SQOR: variants seen among roughly 807,000 people sequenced by gnomAD.
The protein encoded by SQOR is sulfide:quinone oxidoreductase, mitochondrial.
SQOR carries 39 observed loss-of-function variants against 48.6 expected under a neutral mutation model. The ratio of observed to expected loss-of-function variants is 0.80; its 90% CI spans 0.62 to 1.05. The LOEUF (loss-of-function observed/expected upper bound fraction) is 1.05. SQOR is among the 50% of genes least tolerant of loss of function. SQOR has a pLI of 0.00. For missense variants in SQOR, 561 were observed against 559.9 expected (o/e 1.00, Z -0.02); for synonymous variants, 220 against 206.2 (o/e 1.07, Z -0.57).
chr15:45,651,846 T>G (rs1889497242), intron 1 of SQOR, among the ~76,000 whole-genome samples: 1 of 151,948 alleles, frequency 6.6e-6, no homozygotes, highest in Non-Finnish European at 1.5e-5. Flanking sequence ...TGGTAGTTAA[T>G]TCTTCTTCTT....
chr15:45,645,424 G>T (rs1284794906), intron 1 of SQOR, among the ~76,000 whole-genome samples: 23 of 152,206 alleles, frequency 1.5e-4, no homozygotes, highest in Non-Finnish European at 1.5e-5. Context: ...TATTCTGGGT[G>T]TGCCTGTGAG....
upstream of SQOR, among the ~76,000 whole-genome samples, chr15:45,634,209 T>TATATATAGTTGA (rs1376658845): frequency 8.4e-6 from 1 of 118,990 alleles, no homozygotes; most frequent in Admixed American, 8.1e-5. Context: ...TATATATATA[T>TATATATAGTTGA]ATATATATAT....
intron 7 of SQOR, among the ~76,000 whole-genome samples, chr15:45,685,543 G>A (rs1300526160): frequency 6.6e-6 from 1 of 152,118 alleles, no homozygotes; most frequent in Non-Finnish European, 1.5e-5. Context: ...TGATAGAAGG[G>A]GATTGTAATA....
At chr15:45,647,484 G>A (rs112628173) in intron 1 of SQOR, among the ~76,000 whole-genome samples, 11 of 151,622 alleles carry the variant, frequency 7.3e-5, no homozygotes, top group African/African-American at 2.4e-4. Flanking sequence ...ACACCACCAC[G>A]CTTGGCTAAA....
intron 6 of SQOR, among the ~76,000 whole-genome samples, chr15:45,682,056 A>G (rs1890134294): frequency 6.6e-6 from 1 of 152,252 alleles, no homozygotes; most frequent in Admixed American, 6.5e-5. Flanking sequence ...GATGCTGAGC[A>G]TCACCTTACA....
chr15:45,652,673 G>A lies in SQOR; in HGVS notation c.-17-6234G>A, dbSNP rs555478509. 2.0e-3 allele frequency among the ~76,000 whole-genome samples: 195 copies of A among 96,706 alleles called. 1 individual carries two copies. The highest frequency in any genetic ancestry group is 0.014 in the Middle Eastern group (1 of 72). The allele number at this position is 96,706 out of a possible 152,430, so 63.4% of individuals were successfully genotyped here. A position where few individuals can be genotyped will look rare whatever the true frequency, so the allele number is the denominator to read the frequency against. On this transcript the variant is annotated intron_variant, in intron 1 of 9. Coordinates refer to ENST00000260324, the MANE Select transcript of SQOR (RefSeq NM_021199.4). ...TTTTTTTTTTTTTTTTTGCCTTCTC[G>A]TTAAGATTGTGTGGCTGGCCGGGCA...
intron 1 of SQOR, among the ~76,000 whole-genome samples, chr15:45,637,459 T>A (rs917051938): frequency 6.6e-6 from 1 of 152,224 alleles, no homozygotes; most frequent in African/African-American, 2.4e-5. Context: ...GGGGAGGTAC[T>A]CATTATTTAT....
chr15:45,688,404 G>A lies in SQOR; in HGVS notation c.1116G>A (p.Lys372=). 6.3e-7 allele frequency: 1 copy of A among 1,596,566 alleles called. No individual in the cohort carries two copies. The highest frequency in any genetic ancestry group is 8.6e-7 in the Non-Finnish European group (1 of 1,168,684). The change falls in exon 8 of 10, where the codon AAG becomes AAA. Residue 372 remains lysine (K), a splice_region_variant and synonymous_variant. Transcript: ENST00000260324. ...TGAAGAATCAAACACCAACAAAGAAGGTTTGTATGCCTTGTAAGAATCACT... is the reference window on the plus strand; with the variant it reads ...TGAAGAATCAAACACCAACAAAGAAAGTTTGTATGCCTTGTAAGAATCACT... The part of the protein sequence containing the change: ...VIMKNQTPTK[K]YDGYTSCPLV...
At chr15:45,643,321 A>G (rs643190) in intron 1 of SQOR, among the ~76,000 whole-genome samples, 40,079 of 152,006 alleles carry the variant, frequency 0.26, 6,646 homozygotes, top group East Asian at 0.64. Flanking sequence ...TCAGTCTCCC[A>G]AGTAGCTGGG....
intron 1 of SQOR, among the ~76,000 whole-genome samples, chr15:45,650,590 G>A (rs780421961): frequency 1.9e-4 from 29 of 152,172 alleles, no homozygotes; most frequent in Non-Finnish European, 4.4e-5. Flanking sequence ...CCGCTCGCTC[G>A]GGCAGCCTGC....
intron 9 of SQOR, among the ~76,000 whole-genome samples, chr15:45,690,029 G>T (rs567866090): frequency 2.6e-5 from 4 of 151,416 alleles, no homozygotes; most frequent in African/African-American, 9.7e-5. Context: ...CAGGTACATA[G>T]TAGGGATTCA....
rs993159911 is a variant in SQOR, at chr15:45,648,575, C to A, written c.-17-10332C>A. Among the ~76,000 whole-genome samples the A allele has an allele frequency of 2.0e-5, 3 of 152,206 alleles. No individual in the cohort carries two copies. In the South Asian group the frequency reaches 6.2e-4, roughly 31 times the overall value. ...TAACTGATAATAGCATTAGGGCTGA[C>A]TTAATTAATTAAATACGCCCAGAAA... On this transcript the variant is annotated intron_variant, in intron 1 of 9. Coordinates refer to ENST00000260324, the MANE Select transcript of SQOR (RefSeq NM_021199.4).
chr15:45,663,888 C>T (rs564382959), intron 3 of SQOR, among the ~76,000 whole-genome samples: 1 of 152,260 alleles, frequency 6.6e-6, no homozygotes, highest in African/African-American at 2.4e-5. Flanking sequence ...CTACTATAAG[C>T]CAGGTGCAGT....
chr15:45,668,528 A>G (rs886849073), intron 3 of SQOR, among the ~76,000 whole-genome samples: 1 of 152,300 alleles, frequency 6.6e-6, no homozygotes, highest in East Asian at 1.9e-4. Flanking sequence ...GGGAGGGGCC[A>G]GTGGTGAGGG....
intron 1 of SQOR, among the ~76,000 whole-genome samples, chr15:45,646,683 G>A (rs1189997437): frequency 5.9e-5 from 9 of 152,116 alleles, no homozygotes; most frequent in Admixed American, 1.3e-4. Flanking sequence ...CTCATTTTAA[G>A]TTTTTATTGT....
upstream of SQOR, chr15:45,634,828 C>T (rs1208395261): frequency 6.6e-6 from 1 of 152,286 alleles, no homozygotes; most frequent in Non-Finnish European, 1.5e-5. Context: ...TCTGTCCAGC[C>T]GGCAGCACCC....
intron 1 of SQOR, among the ~76,000 whole-genome samples, chr15:45,638,808 C>A (rs1895056857): frequency 6.6e-6 from 1 of 151,714 alleles, no homozygotes; most frequent in African/African-American, 2.4e-5. Flanking sequence ...TGAATAGTAT[C>A]CTTATAAGAA....
chr15:45,664,052 A>T (rs1889768968), intron 3 of SQOR, among the ~76,000 whole-genome samples: 1 of 152,226 alleles, frequency 6.6e-6, no homozygotes, highest in Non-Finnish European at 1.5e-5. Context: ...TCATGAAAAA[A>T]AATAGAGCTG....
At chr15:45,683,853 T>G (rs1890168808) in intron 7 of SQOR, among the ~76,000 whole-genome samples, 1 of 150,550 alleles carries the variant, frequency 6.6e-6, no homozygotes, top group Admixed American at 6.6e-5. Flanking sequence ...ATGTATATAT[T>G]ATGTGTGTGT....
Sources: allele counts gnomAD v4.1 joint callset (sites outside exome capture counted in the v4.1 genomes callset), GRCh38; gene constraint gnomAD v4.1.1; transcripts MANE v1.5; gene names NCBI Gene and HGNC (gene_info 2026-07-23, HGNC 2026-07-21).